RTL4: variants seen among roughly 807,000 people sequenced by gnomAD.
RTL4 encodes the protein retrotransposon Gag like 4.
Under a neutral mutation model 5.3 loss-of-function variants are expected in RTL4, and 4 were observed. The observed-to-expected ratio is 0.75, with a 90% CI of 0.37 to 1.72. RTL4 has a LOEUF of 1.72. Ranked by LOEUF, RTL4 falls within the 40% of genes most tolerant of loss-of-function variation. The pLI is 0.04. For missense variants in RTL4, 260 were observed against 227.1 expected (o/e 1.14, Z -0.93); for synonymous variants, 98 against 87.3 (o/e 1.12, Z -0.68).
chrX:112,389,332 C>CAAA, the RTL4 span, among the ~76,000 whole-genome samples: 603 of 89,236 alleles, frequency 6.8e-3, 4 homozygotes, highest in African/African-American at 0.022. Context: ...TTAATTTTCT[C>CAAA]AAAAAAAAAA....
At chrX:112,248,579 T>G in the RTL4 span, among the ~76,000 whole-genome samples, 1 of 112,279 alleles carries the variant, frequency 8.9e-6, no homozygotes, top group South Asian at 3.7e-4. Flanking sequence ...ATATACCCTA[T>G]CATTCTTATA....
chrX:112,187,682 G>A, the RTL4 span, among the ~76,000 whole-genome samples: 1 of 111,702 alleles, frequency 9.0e-6, no homozygotes, highest in Non-Finnish European at 1.9e-5. Context: ...ACCCACGGAA[G>A]GATATAAAGC....
the RTL4 span, among the ~76,000 whole-genome samples, chrX:112,356,579 G>GGTGTGTGTGTGTGTGT: frequency 6.0e-5 from 6 of 99,438 alleles, no homozygotes; most frequent in African/African-American, 2.2e-4. Context: ...TTTGTTTTGG[G>GGTGTGTGTGTGTGTGT]GTGTGTGTGT....
the RTL4 span, among the ~76,000 whole-genome samples, chrX:112,251,098 C>A: frequency 9.0e-6 from 1 of 111,726 alleles, no homozygotes; most frequent in African/African-American, 3.3e-5. Flanking sequence ...AAAAGATTAC[C>A]TTCAACTACT....
the RTL4 span, among the ~76,000 whole-genome samples, chrX:112,399,353 TG>T: frequency 8.9e-6 from 1 of 111,776 alleles, no homozygotes; most frequent in Admixed American, 9.5e-5. Context: ...AGCTTTTCTT[TG>T]TATTTTGGTG....
the RTL4 span, among the ~76,000 whole-genome samples, chrX:112,256,059 T>C: frequency 8.9e-6 from 1 of 112,232 alleles, no homozygotes; most frequent in Non-Finnish European, 1.9e-5. Flanking sequence ...ATATAATTCA[T>C]ATAAACACCT....
the RTL4 span, among the ~76,000 whole-genome samples, chrX:112,167,751 T>C: frequency 1.8e-5 from 2 of 109,428 alleles, no homozygotes; most frequent in Non-Finnish European, 3.8e-5. Flanking sequence ...TCCAAGGTCA[T>C]GTAGTATGTA....
At chrX:112,115,990 G>T in the RTL4 span, among the ~76,000 whole-genome samples, 1 of 111,742 alleles carries the variant, frequency 8.9e-6, no homozygotes, top group African/African-American at 3.3e-5. Context: ...TTTCCTCTCC[G>T]TTGACCTTTG....
the RTL4 span, among the ~76,000 whole-genome samples, chrX:112,152,072 C>T: frequency 1.2e-4 from 13 of 111,333 alleles, no homozygotes; most frequent in Non-Finnish European, 2.3e-4. Context: ...ATAACTTGAC[C>T]GGGATACTTT....
chrX:112,149,819 G>A, the RTL4 span, among the ~76,000 whole-genome samples: 1 of 111,427 alleles, frequency 9.0e-6, no homozygotes, highest in Non-Finnish European at 1.9e-5. Flanking sequence ...CATTTCAGGT[G>A]GTGAGACATG....
the RTL4 span, among the ~76,000 whole-genome samples, chrX:112,326,470 G>C: frequency 8.9e-6 from 1 of 111,828 alleles, no homozygotes; most frequent in South Asian, 3.8e-4. Flanking sequence ...GGCGCACCAG[G>C]AGATTATATC....
the RTL4 span, among the ~76,000 whole-genome samples, chrX:112,358,451 A>C: frequency 9.0e-6 from 1 of 111,589 alleles, no homozygotes; most frequent in Non-Finnish European, 1.9e-5. Context: ...TTTTTGTAGA[A>C]TAGAACTTTA....
At chrX:112,130,337 A>G in the RTL4 span, among the ~76,000 whole-genome samples, 2 of 107,583 alleles carry the variant, frequency 1.9e-5, no homozygotes, top group East Asian at 5.8e-4. Flanking sequence ...TAGATAGACA[A>G]TTAGATCAGT....
chrX:112,324,942 A>C, the RTL4 span, among the ~76,000 whole-genome samples: 1 of 111,572 alleles, frequency 9.0e-6, no homozygotes, highest in Non-Finnish European at 1.9e-5. Context: ...CCATGATTGA[A>C]AATAGGGTAT....
the RTL4 span, among the ~76,000 whole-genome samples, chrX:112,152,610 T>A: frequency 1.2e-3 from 135 of 111,926 alleles, no homozygotes; most frequent in Middle Eastern, 4.6e-3. Context: ...ACTATTGTTC[T>A]CTAGATAAAC....
the RTL4 span, among the ~76,000 whole-genome samples, chrX:112,291,029 T>G: frequency 9.0e-6 from 1 of 111,686 alleles, no homozygotes; most frequent in Admixed American, 9.6e-5. Flanking sequence ...AGCTAGCGGA[T>G]GGCAGGAGTT....
chrX:112,380,972 G>C, the RTL4 span, among the ~76,000 whole-genome samples: 1 of 111,385 alleles, frequency 9.0e-6, no homozygotes, highest in Non-Finnish European at 1.9e-5. Context: ...CAGAGAACGG[G>C]GAGTGGAGCC....
the RTL4 span, among the ~76,000 whole-genome samples, chrX:112,132,198 T>C: frequency 8.9e-5 from 10 of 111,817 alleles, no homozygotes; most frequent in Non-Finnish European, 1.9e-4. Context: ...CAAAATAACC[T>C]ATCATCATCC....
the RTL4 span, among the ~76,000 whole-genome samples, chrX:112,405,618 G>A: frequency 2.7e-5 from 3 of 111,411 alleles, no homozygotes; most frequent in Non-Finnish European, 3.8e-5. Context: ...GTAGATGGAG[G>A]CTATGCATTC....
Sources: gnomAD v4.1 joint callset for allele counts (sites outside exome capture counted in the v4.1 genomes callset) on GRCh38, gnomAD v4.1.1 for gene constraint, MANE v1.5 for transcripts, NCBI Gene and HGNC (gene_info 2026-07-23, HGNC 2026-07-21) for gene names.